DPYD: variants seen among roughly 807,000 people sequenced by gnomAD.
The protein encoded by DPYD is dihydropyrimidine dehydrogenase [NADP(+)].
A neutral mutation model predicts 116.2 loss-of-function variants in DPYD; 109 were observed. The ratio of observed to expected loss-of-function variants is 0.94; its 90% CI spans 0.80 to 1.10. The LOEUF (loss-of-function observed/expected upper bound fraction) is 1.10. DPYD is among the 50% of genes least tolerant of loss of function. The pLI is 0.00. For missense variants in DPYD, 1,302 were observed against 1,254.5 expected (o/e 1.04, Z -0.57); for synonymous variants, 440 against 432.0 (o/e 1.02, Z -0.23).
chr1:97,830,396 G>A (rs1167111179), intron 2 of DPYD, among the ~76,000 whole-genome samples: 2 of 152,126 alleles, frequency 1.3e-5, no homozygotes, highest in Admixed American at 1.3e-4. Flanking sequence ...AGAGACAGGA[G>A]ATAAACACAT....
intron 2 of DPYD, 31 bp from the exon 3 acceptor site, chr1:97,828,227 T>C (rs928468696): frequency 3.1e-6 from 5 of 1,599,232 alleles, no homozygotes; most frequent in South Asian, 2.2e-5. Context: ...GCATTAATTC[T>C]CTAAGATCCT....
chr1:97,174,663 T>C (rs2101783314), intron 20 of DPYD, among the ~76,000 whole-genome samples: 1 of 152,324 alleles, frequency 6.6e-6, no homozygotes, highest in African/African-American at 2.4e-5. Flanking sequence ...AAAAAATGTC[T>C]TTAGTATTTC....
At chr1:97,482,003 C>T (rs1678345713) in intron 13 of DPYD, among the ~76,000 whole-genome samples, 1 of 152,012 alleles carries the variant, frequency 6.6e-6, no homozygotes, top group African/African-American at 2.4e-5. Flanking sequence ...TTTTAGATTA[C>T]TTTTACTAAA....
chr1:97,165,125 A>T (rs1245193611), intron 20 of DPYD, among the ~76,000 whole-genome samples: 1 of 152,202 alleles, frequency 6.6e-6, no homozygotes, highest in Non-Finnish European at 1.5e-5. Flanking sequence ...AGCCAAGGCA[A>T]TCCTAAGCAA....
intron 14 of DPYD, among the ~76,000 whole-genome samples, chr1:97,428,763 C>T (rs1675010625): frequency 8.3e-6 from 1 of 120,848 alleles, no homozygotes; most frequent in Non-Finnish European, 1.8e-5. Context: ...CAAAATTCAG[C>T]AAGTCCTTAA....
At chr1:97,863,614 C>A (rs1021840694) in intron 2 of DPYD, among the ~76,000 whole-genome samples, 2 of 151,714 alleles carry the variant, frequency 1.3e-5, no homozygotes, top group East Asian at 3.9e-4. Context: ...ATGTACTGCC[C>A]ACAAATCAGT....
chr1:97,743,918 T>C (rs189049419), intron 3 of DPYD, among the ~76,000 whole-genome samples: 2 of 152,222 alleles, frequency 1.3e-5, no homozygotes, highest in African/African-American at 2.4e-5. Context: ...AATTATGTCA[T>C]ACATTTTCCC....
chr1:97,544,803 G>A (rs1446543322), intron 12 of DPYD, among the ~76,000 whole-genome samples: 1 of 151,934 alleles, frequency 6.6e-6, no homozygotes, highest in Non-Finnish European at 1.5e-5. Context: ...AAATATTTAG[G>A]ATAAGAACAA....
chr1:97,230,174 AC>A (rs1281108797), intron 19 of DPYD, among the ~76,000 whole-genome samples: 1 of 152,230 alleles, frequency 6.6e-6, no homozygotes, highest in Non-Finnish European at 1.5e-5. Context: ...TTATAAAGAC[AC>A]ATGCATATGT....
intron 20 of DPYD, among the ~76,000 whole-genome samples, chr1:97,150,616 A>G (rs1016223973): frequency 2.6e-5 from 4 of 152,186 alleles, no homozygotes; most frequent in African/African-American, 9.7e-5. Flanking sequence ...TATACTGTAT[A>G]TATGAATATT....
intron 13 of DPYD, among the ~76,000 whole-genome samples, chr1:97,495,973 G>C (rs527654766): frequency 6.6e-6 from 1 of 152,112 alleles, no homozygotes; most frequent in South Asian, 2.1e-4. Context: ...ATTATAGTTG[G>C]AGAATAAAAG....
intron 8 of DPYD, among the ~76,000 whole-genome samples, chr1:97,603,792 A>G (rs1324842157): frequency 6.6e-6 from 1 of 152,146 alleles, no homozygotes; most frequent in Non-Finnish European, 1.5e-5. Context: ...ATATTGTGAG[A>G]CTGAAACATT....
intron 20 of DPYD, among the ~76,000 whole-genome samples, chr1:97,110,191 T>C (rs560732874): frequency 4.6e-5 from 7 of 152,136 alleles, no homozygotes; most frequent in African/African-American, 1.7e-4. Context: ...ACTCCTTCTT[T>C]CAGATGTATT....
chr1:97,151,833 T>C (rs1655049010), intron 20 of DPYD, among the ~76,000 whole-genome samples: 1 of 152,148 alleles, frequency 6.6e-6, no homozygotes, highest in African/African-American at 2.4e-5. Context: ...TGTTCCAAAA[T>C]GCATTTTAAA....
intron 8 of DPYD, among the ~76,000 whole-genome samples, chr1:97,606,008 C>A (rs1033287253): frequency 2.0e-5 from 3 of 151,920 alleles, no homozygotes; most frequent in Non-Finnish European, 4.4e-5. Context: ...ATTAAGCATA[C>A]AAAACTTGGC....
At chr1:97,698,486 T>C (rs1416292362) in intron 6 of DPYD, among the ~76,000 whole-genome samples, 1 of 151,930 alleles carries the variant, frequency 6.6e-6, no homozygotes, top group African/African-American at 2.4e-5. Context: ...CAAATTTGAT[T>C]AAATTTATCC....
chr1:97,505,439 T>C (rs1246591892), intron 13 of DPYD, among the ~76,000 whole-genome samples: 2 of 150,564 alleles, frequency 1.3e-5, no homozygotes. Flanking sequence ...AGTTCAAATG[T>C]GAAGAAAATA....
At chr1:97,206,658 AT>A (rs1557938105) in intron 19 of DPYD, among the ~76,000 whole-genome samples, 3 of 94,498 alleles carry the variant, frequency 3.2e-5, no homozygotes, top group South Asian at 3.5e-4. Flanking sequence ...ATATATATAT[AT>A]ATATATATAT....
At chr1:97,719,642 T>C in intron 5 of DPYD, 1 of 937,548 alleles carries the variant, frequency 1.1e-6, no homozygotes, top group Non-Finnish European at 1.3e-6. Context: ...AACTTCCTAA[T>C]AACTTTGACA....
Sources: allele counts gnomAD v4.1 joint callset (sites outside exome capture counted in the v4.1 genomes callset), GRCh38; gene constraint gnomAD v4.1.1; transcripts MANE v1.5; gene names NCBI Gene and HGNC (gene_info 2026-07-23, HGNC 2026-07-21).